The following KAZN variants were observed in gnomAD, a reference collection of about 807,000 sequenced individuals.
The protein encoded by KAZN is kazrin, periplakin interacting protein.
A neutral mutation model predicts 87.4 loss-of-function variants in KAZN; 40 were observed. That is an observed-to-expected ratio of 0.46 (90% CI 0.36 to 0.60). The LOEUF (loss-of-function observed/expected upper bound fraction) is 0.60, where lower values mean the gene tolerates loss of function less well. KAZN is among the 20% of genes least tolerant of loss of function. The probability of loss-of-function intolerance (pLI) is 0.00; values close to 1 mark genes in which losing one functional copy is unlikely to be tolerated. For missense variants in KAZN, 898 were observed against 1,073.9 expected, an observed-to-expected ratio of 0.84 and a Z score of 2.29; for synonymous variants, 466 against 458.3, an observed-to-expected ratio of 1.02 and a Z score of -0.22.
At chr1:14,883,339 A>AGAGGGAGGGAGGGAGGGAGGGAGGGAGG (rs1572721614) in intron 1 of KAZN, among the ~76,000 whole-genome samples, 1 of 41,654 alleles carries the variant, frequency 2.4e-5, no homozygotes, top group African/African-American at 6.1e-5. Context: ...AGAGAGAGAG[A>AGAGGGAGGGAGGGAGGGAGGGAGGGAGG]GAGAAAGAAA....
chr1:14,297,379 A>C (rs553104614), intron 2 of KAZN, among the ~76,000 whole-genome samples: 3 of 152,346 alleles, frequency 2.0e-5, no homozygotes, highest in South Asian at 2.1e-4. Flanking sequence ...CGTTAGTCTC[A>C]TTGGCCAGAA....
chr1:14,116,479 C>T (rs1281834145), intron 1 of KAZN, among the ~76,000 whole-genome samples: 2 of 152,166 alleles, frequency 1.3e-5, no homozygotes, highest in African/African-American at 4.8e-5. Context: ...GCACAGAAGT[C>T]AAGAGTTGAG....
intron 1 of KAZN, among the ~76,000 whole-genome samples, chr1:13,981,105 A>ATATATATATATATATATATATG (rs1479644523): frequency 6.0e-5 from 8 of 133,510 alleles, no homozygotes; most frequent in African/African-American, 1.7e-4. Context: ...ATATATATAT[A>ATATATATATATATATATATATG]TATATGTATA....
chr1:14,975,764 G>T (rs1449411353), intron 2 of KAZN, among the ~76,000 whole-genome samples: 3 of 152,156 alleles, frequency 2.0e-5, no homozygotes, highest in Admixed American at 2.0e-4. Flanking sequence ...GGGCACAGTG[G>T]CTCACGCCTG....
At chr1:14,131,568 T>C (rs546348187) in intron 1 of KAZN, among the ~76,000 whole-genome samples, 26 of 152,112 alleles carry the variant, frequency 1.7e-4, no homozygotes, top group Non-Finnish European at 3.1e-4. Flanking sequence ...TCAATACTTT[T>C]CAAGGCAACC....
chr1:15,034,853 G>A lies in KAZN; in HGVS notation c.523G>A (p.Asp175Asn), dbSNP rs141079704. 40 of 1,613,856 alleles carry A rather than the reference G, an allele frequency of 2.5e-5. No homozygotes were observed. The African/African-American group carries it at 4.4e-4, about 18-fold the overall frequency. Residue 175 changes from aspartate to asparagine, a missense_variant, in exon 3 of 15, where the codon GAC (aspartate) becomes AAC (asparagine). Physicochemically the swap from Asp to Asn is conservative, Grantham distance 23. Coordinates refer to ENST00000376030, the MANE Select transcript of KAZN (RefSeq NM_201628.3). ...GGAGAGCCGCGAGGAGCAGCTCCGAGACTTCATCCGCAACTATGAGCAGCA... is the reference window on the plus strand; with the variant it reads ...GGAGAGCCGCGAGGAGCAGCTCCGAAACTTCATCCGCAACTATGAGCAGCA... Reference protein sequence around the residue: ...TLESREEQLRDFIRNYEQHRK... With the variant: ...TLESREEQLRNFIRNYEQHRK...
intron 1 of KAZN, among the ~76,000 whole-genome samples, chr1:14,127,529 T>A (rs1644900743): frequency 6.6e-6 from 1 of 152,020 alleles, no homozygotes; most frequent in South Asian, 2.1e-4. Context: ...TATTTCCCAC[T>A]TGGGAAATTA....
intron 2 of KAZN, among the ~76,000 whole-genome samples, chr1:14,209,283 T>C (rs1646805705): frequency 6.6e-6 from 1 of 152,316 alleles, no homozygotes; most frequent in East Asian, 1.9e-4. Flanking sequence ...GAAACCACAC[T>C]GTCACCCACC....
chr1:13,940,525 C>G (rs1640890151), intron 1 of KAZN, among the ~76,000 whole-genome samples: 1 of 152,112 alleles, frequency 6.6e-6, no homozygotes, highest in Admixed American at 6.5e-5. Flanking sequence ...TGAAACTTCT[C>G]TCTTCAGTTC....
rs1651627554 is a variant in KAZN at position 14,267,990 on chromosome 1, G to A, written c.249+87398G>A. 2.6e-5 allele frequency among the ~76,000 whole-genome samples: 4 copies of A among 152,230 alleles called. No individual in the cohort carries two copies. The South Asian group carries it at 8.3e-4, about 32-fold the overall frequency. ...GAAAAGAGAAAAGAAAAGCTGTTAT[G>A]TATATATTCTCAAGTTTATTTTGAT... On this transcript the variant is annotated intron_variant, in intron 2 of 16. Coordinates refer to the KAZN transcript ENST00000636203.
chr1:14,860,011 A>G (rs1005884179), intron 1 of KAZN, among the ~76,000 whole-genome samples: 1 of 152,080 alleles, frequency 6.6e-6, no homozygotes, highest in Non-Finnish European at 1.5e-5. Context: ...CTCACCAGTC[A>G]CTTTGAACAA....
At chr1:14,345,661 T>C (rs1454718282) in intron 2 of KAZN, among the ~76,000 whole-genome samples, 1 of 152,174 alleles carries the variant, frequency 6.6e-6, no homozygotes, top group African/African-American at 2.4e-5. Flanking sequence ...TCTTGGAACG[T>C]GCCAGCCTAG....
At chr1:14,677,152 A>G (rs903304822) in intron 1 of KAZN, among the ~76,000 whole-genome samples, 1 of 152,150 alleles carries the variant, frequency 6.6e-6, no homozygotes, top group African/African-American at 2.4e-5. Context: ...TTTGTAAAGA[A>G]GACCGAGGAT....
At chr1:14,874,333 G>A (rs74059636) in intron 1 of KAZN, among the ~76,000 whole-genome samples, 1,973 of 152,302 alleles carry the variant, frequency 0.013, 44 homozygotes, top group African/African-American at 0.045. Flanking sequence ...GTCCGGAAGA[G>A]AGTGTTCAAC....
intron 2 of KAZN, among the ~76,000 whole-genome samples, chr1:14,465,538 G>C (rs1376435808): frequency 6.6e-6 from 1 of 151,942 alleles, no homozygotes; most frequent in Non-Finnish European, 1.5e-5. Flanking sequence ...GGACTCAAAT[G>C]GTAGCTTAGG....
rs537116719 is a variant in KAZN, at chr1:14,159,045, G to A, written c.92-21390G>A. Among the ~76,000 whole-genome samples, 4 of 152,182 alleles carry A rather than the reference G, an allele frequency of 2.6e-5. No individual in the cohort carries two copies. In the East Asian group the frequency reaches 7.7e-4, roughly 29 times the overall value. On this transcript the variant is annotated intron_variant, in intron 1 of 16. Coordinates refer to the KAZN transcript ENST00000636203. ...TGGCCACCACCACTAAGATTGTGCT[G>A]GGTCAGACCTGAAGCCAACAAAGCA...
At chr1:14,508,155 G>A (rs545426090) in intron 2 of KAZN, among the ~76,000 whole-genome samples, 16 of 152,124 alleles carry the variant, frequency 1.1e-4, no homozygotes, top group African/African-American at 3.4e-4. Context: ...GGGGCTGAAG[G>A]ACTCTGGCTT....
At chr1:15,087,475 C>T (rs1157628028) in intron 8 of KAZN, among the ~76,000 whole-genome samples, 1 of 151,872 alleles carries the variant, frequency 6.6e-6, no homozygotes, top group African/African-American at 2.4e-5. Context: ...TCACTGCAAC[C>T]CCCGCCTCCT....
intron 2 of KAZN, among the ~76,000 whole-genome samples, chr1:15,002,110 G>T (rs1668547034): frequency 6.6e-6 from 1 of 152,012 alleles, no homozygotes; most frequent in Admixed American, 6.6e-5. Context: ...TCGATCTCCT[G>T]ACCTTGTGAT....
Sources: allele counts gnomAD v4.1 joint callset (sites outside exome capture counted in the v4.1 genomes callset), GRCh38; gene constraint gnomAD v4.1.1; transcripts MANE v1.5; gene names NCBI Gene and HGNC (gene_info 2026-07-23, HGNC 2026-07-21).